The following GABRD variants were observed in gnomAD, a reference collection of about 807,000 sequenced individuals.
GABRD encodes the protein gamma-aminobutyric acid receptor subunit delta.
A neutral mutation model predicts 47.3 loss-of-function variants in GABRD; 25 were observed. The ratio of observed to expected loss-of-function variants is 0.53; its 90% confidence interval spans 0.39 to 0.74. The LOEUF is 0.74. Among genes scored for constraint, GABRD ranks in the 30% least tolerant of loss-of-function variants. The probability of loss-of-function intolerance (pLI) is 0.00; values close to 1 mark genes in which losing one functional copy is unlikely to be tolerated. For synonymous variants in GABRD, 314 were observed against 278.8 expected (o/e 1.13, Z -1.26); for missense variants, 497 against 643.4 (o/e 0.77, Z 2.46).
chr1:2,020,738 C>T (rs1419234399), intron 1 of GABRD, among the ~76,000 whole-genome samples: 1 of 152,228 alleles, frequency 6.6e-6, no homozygotes, highest in Non-Finnish European at 1.5e-5. Flanking sequence ...AGCCCAGGCC[C>T]ACGGCCACTT....
chr1:2,019,888 C>T (rs959770976), intron 1 of GABRD, among the ~76,000 whole-genome samples: 2 of 152,184 alleles, frequency 1.3e-5, no homozygotes, highest in African/African-American at 4.8e-5. Context: ...GAACTCGGTG[C>T]GGGGAGGCTG....
rs1223816457 is a variant in GABRD at position 2,030,384 on chromosome 1, T to A, written c.*102T>A. The A allele has an allele frequency of 4.7e-6, 5 of 1,068,308 alleles. No homozygotes were observed. Among genetic ancestry groups the A allele is most frequent in the African/African-American group, 1.6e-5 (1 of 60,808 alleles). 66.2% of individuals were successfully genotyped at this position (1,068,308 alleles called of 1,614,324 possible). ...CTCGGGCTGCCTTCCCCTCTGCGTGTTTCGAAGTGGGATGACAGTCGGCCA... is the reference window on the plus strand; with the variant it reads ...CTCGGGCTGCCTTCCCCTCTGCGTGATTCGAAGTGGGATGACAGTCGGCCA... On this transcript the variant is annotated 3_prime_UTR_variant, in exon 9 of 9. Transcript: ENST00000378585.
Position 2,030,366 on chromosome 1 carries a change from T to C in GABRD, c.*84T>C, listed in dbSNP as rs1032903668. On this transcript the variant is annotated 3_prime_UTR_variant, in exon 9 of 9. Transcript: ENST00000378585. ...TTCCTGGGAGAAAGAGCCCTCGGGC[T>C]GCCTTCCCCTCTGCGTGTTTCGAAG... 1.5e-5 allele frequency: 19 copies of C among 1,261,516 alleles called. No individual in the cohort carries two copies. The highest frequency in any genetic ancestry group is 2.0e-5 in the Non-Finnish European group (19 of 934,720). The allele number at this position is 1,261,516 out of a possible 1,614,324, so 78.1% of individuals were successfully genotyped here. A position where few individuals can be genotyped will look rare whatever the true frequency, so the allele number is the denominator to read the frequency against.
rs374769906 is a variant in GABRD at position 2,028,318 on chromosome 1, G to A, written c.691+26G>A. 7.1e-4 allele frequency: 1,130 copies of A among 1,593,524 alleles called. 2 individuals carry two copies. The highest frequency in any genetic ancestry group is 9.1e-4 in the Non-Finnish European group (1,068 of 1,168,674). Reference sequence around the variant, plus strand: ...GTAACATATGCCCGCCGCCCCTTCCGCATGTGCCCGCCGCCCCTTCCGCGC... The same window carrying A: ...GTAACATATGCCCGCCGCCCCTTCCACATGTGCCCGCCGCCCCTTCCGCGC... On this transcript the variant is annotated intron_variant, in intron 6 of 8. Transcript: ENST00000378585. This position sits in a 1 kb window ranked among gnomAD's most constrained non-coding sequence, Gnocchi z 6.4.
intron 1 of GABRD, among the ~76,000 whole-genome samples, chr1:2,023,061 G>A (rs1161182759): frequency 6.6e-6 from 1 of 152,132 alleles, no homozygotes; most frequent in African/African-American, 2.4e-5. Flanking sequence ...AGGATAAAGT[G>A]TATGGAGCAG....
chr1:2,020,899 A>G (rs1658754539), intron 1 of GABRD, among the ~76,000 whole-genome samples: 1 of 152,128 alleles, frequency 6.6e-6, no homozygotes, highest in Non-Finnish European at 1.5e-5. Flanking sequence ...ATTTATATAC[A>G]CTTCCTGCTG....
In GABRD at chr1:2,029,163, C is replaced by G. The variant is rs760689938; in HGVS notation, c.744C>G (p.Gly248=). 1.1e-5 allele frequency: 17 copies of G among 1,551,486 alleles called. No individual in the cohort carries two copies. In the Admixed American group the frequency reaches 3.3e-4, roughly 30 times the overall value. The change falls in exon 7 of 9, where the codon GGC becomes GGG. Residue 248 remains glycine, a synonymous_variant. Transcript: ENST00000378585. The part of the protein sequence containing the change: ...SLHFHLRRNR[G]VYIIQSYMPS... ...ACTTCCACCTGCGGAGGAACCGCGG[C>G]GTGTACATCATCCAATCCTACATGC...
chr1:2,025,896 C>T (rs1032770465), intron 4 of GABRD, 158 bp downstream of exon 4: 308 of 626,662 alleles, frequency 4.9e-4, no homozygotes, highest in Non-Finnish European at 7.6e-4. Flanking sequence ...TTATTTATAT[C>T]CCCCGCAGCT....
chr1:2,030,166 A>G lies in GABRD; in HGVS notation c.1243A>G (p.Ile415Val). 1 of 1,575,174 alleles carries G rather than the reference A, an allele frequency of 6.3e-7. No individual in the cohort carries two copies. Among genetic ancestry groups the G allele is most frequent in the Non-Finnish European group, 8.6e-7 (1 of 1,159,336 alleles). ...GAARSGGQGG[I>V]RARLRPIDAD... ...AGCCCGCTCAGGAGGCCAGGGGGGC[A>G]TCCGTGCCCGGCTCAGGCCCATCGA... Residue 415 changes from isoleucine to valine, a missense_variant, in exon 9 of 9, where the codon ATC becomes GTC. Transcript: ENST00000378585.
In GABRD at chr1:2,025,376, T is replaced by C; in HGVS notation, c.224T>C (p.Ile75Thr). The change falls in exon 3 of 9, where the codon ATC becomes ACC. Residue 75 changes from isoleucine to threonine, a missense_variant. Physicochemically the swap from Ile to Thr is moderately conservative, Grantham distance 89 (BLOSUM62 -1). Around this residue, in one of 3 missense-constraint regions of GABRD, gnomAD observed 285 missense variants for 436.6 expected, o/e 0.65. Transcript: ENST00000378585. ...NVALALEVAS[I>T]DHISEANMEY... Reference sequence around the variant, plus strand: ...GCCCTTGCCCTGGAGGTGGCCAGCATCGACCACATCTCAGAGGCCAACATG... The same window carrying C: ...GCCCTTGCCCTGGAGGTGGCCAGCACCGACCACATCTCAGAGGCCAACATG... The C allele has an allele frequency of 1.2e-6, 2 of 1,613,036 alleles. No individual in the cohort carries two copies. The highest frequency in any genetic ancestry group is 1.7e-6 in the Non-Finnish European group (2 of 1,179,980).
intron 1 of GABRD, among the ~76,000 whole-genome samples, chr1:2,022,588 G>T (rs760247677): frequency 6.6e-6 from 1 of 152,278 alleles, no homozygotes; most frequent in African/African-American, 2.4e-5. Flanking sequence ...TTCCAGGCAG[G>T]CTAGATGGCA....
At position 2,030,551 on chromosome 1, in the gene GABRD, C is replaced by A. The variant is rs534466331; in HGVS notation, c.*269C>A. The A allele has an allele frequency of 2.4e-4, 89 of 373,174 alleles. No homozygotes were observed. Among genetic ancestry groups the A allele is most frequent in the African/African-American group, 1.8e-3 (85 of 48,044 alleles). 23.1% of individuals were successfully genotyped at this position (373,174 alleles called of 1,614,324 possible). A position where few individuals can be genotyped will look rare whatever the true frequency, so the allele number is the denominator to read the frequency against. Reference sequence around the variant, plus strand: ...TTCTGACCGAGAGGCTGAGCCAGGCCGGGGTCTGGGCCCTTCAGGGAGCCG... The same window carrying A: ...TTCTGACCGAGAGGCTGAGCCAGGCAGGGGTCTGGGCCCTTCAGGGAGCCG... On this transcript the variant is annotated 3_prime_UTR_variant, in exon 9 of 9. Transcript: ENST00000378585.
intron 4 of GABRD, chr1:2,027,288 G>C (rs559189486): frequency 2.4e-4 from 120 of 490,856 alleles, no homozygotes; most frequent in African/African-American, 2.1e-3. Flanking sequence ...CTCGGGCCAG[G>C]GCCTGGGTGT....
At chr1:2,027,724 C>G in intron 5 of GABRD, 65 bp downstream of exon 5, 3 of 1,438,382 alleles carry the variant, frequency 2.1e-6, no homozygotes, top group Non-Finnish European at 2.9e-6. Flanking sequence ...GACTGTCAGC[C>G]CGGGGCCTGG....
Position 2,028,723 on chromosome 1 carries a change from G to A in GABRD, c.692-388G>A, listed in dbSNP as rs916462745. On this transcript the variant is annotated intron_variant, in intron 6 of 8. Transcript: ENST00000378585. The surrounding 1 kb of genome is among the most constrained non-coding windows in gnomAD (Gnocchi z 6.4). ...TCCCACCCCTACGCACCCCGTCCCC[G>A]GTCATCCAGAGCCAGTGAGCCCAGT... is the stretch of plus-strand genomic sequence containing the variant. Among the ~76,000 whole-genome samples, 3 of 149,982 alleles carry A rather than the reference G, an allele frequency of 2.0e-5. No homozygotes were observed. Among genetic ancestry groups the A allele is most frequent in the Non-Finnish European group, 4.4e-5 (3 of 67,542 alleles).
Position 2,028,937 on chromosome 1 carries a change from G to C in GABRD, c.692-174G>C, listed in dbSNP as rs1168627305. 2.0e-5 allele frequency: 15 copies of C among 754,506 alleles called. No homozygotes were observed. Among genetic ancestry groups the C allele is most frequent in the Non-Finnish European group, 2.7e-5 (13 of 475,840 alleles). 46.7% of individuals were successfully genotyped at this position (754,506 alleles called of 1,614,324 possible). A position where few individuals can be genotyped will look rare whatever the true frequency, so the allele number is the denominator to read the frequency against. On this transcript the variant is annotated intron_variant, in intron 6 of 8. Coordinates refer to ENST00000378585, the MANE Select transcript of GABRD (RefSeq NM_000815.5). This position sits in a 1 kb window ranked among gnomAD's most constrained non-coding sequence, Gnocchi z 6.4. Reference sequence around the variant, plus strand: ...CCAGCCTGTCCTGTGGCCAGACCTAGGGCCGGAGGCCCCCTGACATTTCAG... The same window carrying C: ...CCAGCCTGTCCTGTGGCCAGACCTACGGCCGGAGGCCCCCTGACATTTCAG...
chr1:2,028,050 G>A lies in GABRD; in HGVS notation c.554-105G>A, dbSNP rs1367613823. 1.4e-5 allele frequency: 19 copies of A among 1,317,716 alleles called. No individual in the cohort carries two copies. In the East Asian group the frequency reaches 2.9e-4, roughly 20 times the overall value. 81.6% of individuals were successfully genotyped at this position (1,317,716 alleles called of 1,614,324 possible). A position where few individuals can be genotyped will look rare whatever the true frequency, so the allele number is the denominator to read the frequency against. On this transcript the variant is annotated intron_variant, in intron 5 of 8. Coordinates refer to ENST00000378585, the MANE Select transcript of GABRD (RefSeq NM_000815.5). The surrounding 1 kb of genome is among the most constrained non-coding windows in gnomAD (Gnocchi z 6.4). ...TGGGGTCCTGCTCGGTCCCCATCAC[G>A]ATGGCGTCGGCCCCCTGCAGGCTTC... is the stretch of plus-strand genomic sequence containing the variant.
Position 2,028,771 on chromosome 1 carries a change from C to T in GABRD, c.692-340C>T. 2.9e-6 allele frequency: 1 copy of T among 350,694 alleles called. No individual in the cohort carries two copies. Among genetic ancestry groups the T allele is most frequent in the South Asian group, 3.8e-5 (1 of 26,076 alleles). 21.7% of individuals were successfully genotyped at this position (350,694 alleles called of 1,614,324 possible). On this transcript the variant is annotated intron_variant, in intron 6 of 8. Coordinates refer to ENST00000378585, the MANE Select transcript of GABRD (RefSeq NM_000815.5). This position sits in a 1 kb window ranked among gnomAD's most constrained non-coding sequence, Gnocchi z 6.4. ...AGTGCTGGCTCCTTCCAGAGCCTGGCTGTGCCCGCAGGAGTGTTAGGAGAG... is the reference window on the plus strand; with the variant it reads ...AGTGCTGGCTCCTTCCAGAGCCTGGTTGTGCCCGCAGGAGTGTTAGGAGAG...
At chr1:2,029,468 C>T in intron 7 of GABRD, 83 bp from the exon 8 acceptor site, 2 of 1,569,574 alleles carry the variant, frequency 1.3e-6, no homozygotes, top group Non-Finnish European at 1.7e-6. Context: ...AGCGGACCCT[C>T]ATCCGTGGGT....
Sources: gnomAD v4.1 joint callset for allele counts (sites outside exome capture counted in the v4.1 genomes callset) on GRCh38, gnomAD v4.1.1 for gene constraint, gnomAD v4.1.1 regional missense constraint, Gnocchi (gnomAD v3.1) non-coding constraint, MANE v1.5 for transcripts, NCBI Gene and HGNC (gene_info 2026-07-23, HGNC 2026-07-21) for gene names.